RGS6: variants seen among roughly 807,000 people sequenced by gnomAD.
RGS6 encodes the protein regulator of G-protein signaling 6.
A neutral mutation model predicts 78.5 loss-of-function variants in RGS6; 30 were observed. That is an observed-to-expected ratio of 0.38 (90% CI 0.29 to 0.52). RGS6 has a LOEUF of 0.52. RGS6 is among the 20% of genes least tolerant of loss of function. The pLI is 0.85. For missense variants in RGS6, 495 were observed against 609.7 expected, an observed-to-expected ratio of 0.81 and a Z score of 1.98; for synonymous variants, 206 against 206.0, an observed-to-expected ratio of 1.00 and a Z score of 0.00.
intron 6 of RGS6, among the ~76,000 whole-genome samples, chr14:72,463,474 G>A (rs2095831357): frequency 6.6e-6 from 1 of 152,220 alleles, no homozygotes; most frequent in African/African-American, 2.4e-5. Context: ...AGTAGCATGT[G>A]ACCCTGTGAC....
intron 2 of RGS6, among the ~76,000 whole-genome samples, chr14:71,970,111 G>C (rs139638684): frequency 6.6e-6 from 1 of 152,264 alleles, no homozygotes; most frequent in African/African-American, 2.4e-5. Flanking sequence ...TAACATTTAA[G>C]ACATTTATAA....
chr14:72,393,760 G>A (rs1161607405), intron 3 of RGS6, among the ~76,000 whole-genome samples: 1 of 152,178 alleles, frequency 6.6e-6, no homozygotes, highest in Non-Finnish European at 1.5e-5. Flanking sequence ...ACACCTCCTG[G>A]AAGTCTGATT....
intron 13 of RGS6, 28 bp downstream of exon 13, chr14:72,495,290 G>T (rs1351045320): frequency 1.5e-5 from 20 of 1,371,742 alleles, no homozygotes; most frequent in Non-Finnish European, 2.1e-5. Context: ...GTTTGGGAGT[G>T]GGATGAATGT....
At chr14:72,081,296 T>C (rs2094814412) in intron 2 of RGS6, among the ~76,000 whole-genome samples, 1 of 152,128 alleles carries the variant, frequency 6.6e-6, no homozygotes, top group African/African-American at 2.4e-5. Flanking sequence ...GATTGTTTTA[T>C]TAATTTCTTT....
chr14:72,365,645 CA>C (rs1555355314), intron 3 of RGS6, among the ~76,000 whole-genome samples: 1 of 152,192 alleles, frequency 6.6e-6, no homozygotes, highest in Non-Finnish European at 1.5e-5. Flanking sequence ...GTGCTGAAAG[CA>C]AAACCTTTTC....
At chr14:72,489,892 A>G (rs551377687) in intron 12 of RGS6, among the ~76,000 whole-genome samples, 49 of 152,354 alleles carry the variant, frequency 3.2e-4, no homozygotes, top group African/African-American at 1.2e-3. Flanking sequence ...TTGCAGCCCT[A>G]GAAAACTAAC....
At chr14:72,355,805 G>A (rs899484244) in intron 3 of RGS6, among the ~76,000 whole-genome samples, 1 of 152,186 alleles carries the variant, frequency 6.6e-6, no homozygotes, top group Non-Finnish European at 1.5e-5. Context: ...ATGAGGGATT[G>A]AATCATATGG....
At chr14:72,470,879 CAAA>C (rs34084675) in intron 8 of RGS6, among the ~76,000 whole-genome samples, 10 of 112,530 alleles carry the variant, frequency 8.9e-5, no homozygotes, top group Non-Finnish European at 1.1e-4. Flanking sequence ...AACTCCCTCT[CAAA>C]AAAAAAAAAA....
At chr14:72,359,739 T>C (rs572661743) in intron 3 of RGS6, among the ~76,000 whole-genome samples, 1 of 152,326 alleles carries the variant, frequency 6.6e-6, no homozygotes, top group African/African-American at 2.4e-5. Flanking sequence ...TATAATTTCT[T>C]GGACACCAAT....
chr14:71,882,176 A>G, the RGS6 span, among the ~76,000 whole-genome samples: 89 of 152,240 alleles, frequency 5.8e-4, no homozygotes, highest in African/African-American at 1.2e-3. Flanking sequence ...TAGCTAACTT[A>G]TATGTGTGGA....
chr14:72,433,680 C>G (rs1413704040), intron 3 of RGS6, among the ~76,000 whole-genome samples: 2 of 152,120 alleles, frequency 1.3e-5, no homozygotes, highest in African/African-American at 4.8e-5. Context: ...CTCAACTCCC[C>G]AGCCCTCCTT....
intron 2 of RGS6, among the ~76,000 whole-genome samples, chr14:72,293,692 C>G (rs1358380390): frequency 6.6e-6 from 1 of 152,200 alleles, no homozygotes; most frequent in African/African-American, 2.4e-5. Flanking sequence ...GTGCTATATT[C>G]TGTACTCAGC....
chr14:72,601,614 G>T, the RGS6 span, among the ~76,000 whole-genome samples: 1 of 152,234 alleles, frequency 6.6e-6, no homozygotes, highest in Non-Finnish European at 1.5e-5. Flanking sequence ...ACAAAGAAAT[G>T]ATAAATGTTT....
rs200243953 is a variant in RGS6 at position 71,951,484 on chromosome 14, T to C, written c.-20-13288T>C. 5.1e-4 allele frequency among the ~76,000 whole-genome samples: 77 copies of C among 152,226 alleles called. 1 individual carries two copies. In the East Asian group the frequency reaches 0.014, roughly 27 times the overall value. Reference sequence around the variant, plus strand: ...GCTTAATACTTAGGCGATGGGTTGATAGGTGCAGCAAACCATCATGGCACA... The same window carrying C: ...GCTTAATACTTAGGCGATGGGTTGACAGGTGCAGCAAACCATCATGGCACA... On this transcript the variant is annotated intron_variant, in intron 1 of 17. Coordinates refer to ENST00000553525, the MANE Select transcript of RGS6 (RefSeq NM_001204424.2).
chr14:72,225,319 G>A (rs2047860342), intron 2 of RGS6, among the ~76,000 whole-genome samples: 1 of 152,026 alleles, frequency 6.6e-6, no homozygotes, highest in Non-Finnish European at 1.5e-5. Context: ...CATTCACTGT[G>A]TTTATTTTTT....
chr14:72,478,916 A>T (rs2096303664), intron 12 of RGS6, among the ~76,000 whole-genome samples: 1 of 152,220 alleles, frequency 6.6e-6, no homozygotes, highest in South Asian at 2.1e-4. Context: ...ACTCAATTTT[A>T]TCAACTAAAT....
intron 2 of RGS6, among the ~76,000 whole-genome samples, chr14:71,982,520 A>G (rs761955871): frequency 1.3e-5 from 2 of 152,184 alleles, no homozygotes; most frequent in Non-Finnish European, 2.9e-5. Flanking sequence ...AGGGCTAGAT[A>G]TATTTCTAGA....
intron 2 of RGS6, among the ~76,000 whole-genome samples, chr14:72,305,150 G>A (rs776314860): frequency 8.5e-5 from 13 of 152,190 alleles, no homozygotes; most frequent in Non-Finnish European, 1.3e-4. Flanking sequence ...TTATTGACTC[G>A]AGGAAGCTTT....
At chr14:71,883,819 C>T in the RGS6 span, among the ~76,000 whole-genome samples, 2 of 152,196 alleles carry the variant, frequency 1.3e-5, no homozygotes, top group African/African-American at 4.8e-5. Flanking sequence ...TTACAGATGC[C>T]TTGGCAATGT....
Sources: allele counts gnomAD v4.1 joint callset (sites outside exome capture counted in the v4.1 genomes callset), GRCh38; gene constraint gnomAD v4.1.1; transcripts MANE v1.5; gene names NCBI Gene and HGNC (gene_info 2026-07-23, HGNC 2026-07-21).